GPR161: variants seen among roughly 807,000 people sequenced by gnomAD.
GPR161 encodes the protein G protein-coupled receptor 161, also known as G-protein coupled receptor RE2.
A neutral mutation model predicts 39.2 loss-of-function variants in GPR161; 25 were observed. The ratio of observed to expected loss-of-function variants is 0.64; its 90% CI spans 0.47 to 0.89. GPR161 has a LOEUF of 0.89. GPR161 is among the 40% of genes least tolerant of loss of function. The pLI is 0.00. For synonymous variants in GPR161, 286 were observed against 276.6 expected, an observed-to-expected ratio of 1.03 and a Z score of -0.34; for missense variants, 547 against 677.8, an observed-to-expected ratio of 0.81 and a Z score of 2.14.
chr1:168,119,271 T>TACAC (rs1491147903), intron 1 of GPR161, among the ~76,000 whole-genome samples: 1 of 106,392 alleles, frequency 9.4e-6, no homozygotes, highest in East Asian at 2.9e-4. Context: ...TATATATGTG[T>TACAC]ATATATATAT....
chr1:168,123,458 A>G (rs1463110044), intron 1 of GPR161, among the ~76,000 whole-genome samples: 6 of 152,028 alleles, frequency 3.9e-5, no homozygotes, highest in Non-Finnish European at 4.4e-5. Flanking sequence ...ACCCTGTCTC[A>G]AAAAATTATA....
Position 168,096,938 on chromosome 1 carries a change from G to A in GPR161, c.669C>T (p.His223=). The A allele has an allele frequency of 1.2e-6, 2 of 1,614,162 alleles. No homozygotes were observed. The highest frequency in any genetic ancestry group is 1.7e-6 in the Non-Finnish European group (2 of 1,180,024). ...RVARVKARKV[H]CGTVVIVEED... Reference sequence around the variant, plus strand: ...CCTCCACGATGACGACTGTGCCACAGTGCACCTTGCGTGCCTTGACCCTGG... The same window carrying A: ...CCTCCACGATGACGACTGTGCCACAATGCACCTTGCGTGCCTTGACCCTGG... The change falls in exon 3 of 6, where the codon CAC becomes CAT. Residue 223 remains histidine (H), a synonymous_variant. Coordinates refer to ENST00000682931, the MANE Select transcript of GPR161 (RefSeq NM_001375883.1).
At chr1:168,121,484 T>G (rs1698156369) in intron 1 of GPR161, among the ~76,000 whole-genome samples, 1 of 152,114 alleles carries the variant, frequency 6.6e-6, no homozygotes, top group Non-Finnish European at 1.5e-5. Flanking sequence ...AAAAGCTGTC[T>G]TCACCCCTTC....
intron 2 of GPR161, among the ~76,000 whole-genome samples, chr1:168,099,839 G>T (rs867990138): frequency 8.2e-5 from 11 of 133,876 alleles, no homozygotes; most frequent in African/African-American, 9.6e-5. Flanking sequence ...TTTTTTTTGG[G>T]GGGGGGGGGT....
intron 1 of GPR161, among the ~76,000 whole-genome samples, chr1:168,112,434 C>T (rs1480516779): frequency 7.7e-6 from 1 of 130,482 alleles, no homozygotes; most frequent in Non-Finnish European, 1.5e-5. Flanking sequence ...GAGCCGAGAT[C>T]GCGCCACTAC....
At chr1:168,106,971 C>T (rs1696676025) in intron 1 of GPR161, among the ~76,000 whole-genome samples, 2 of 152,046 alleles carry the variant, frequency 1.3e-5, no homozygotes, top group African/African-American at 2.4e-5. Context: ...TATTAATTAA[C>T]GTCTCAAAGT....
chr1:168,131,234 C>G lies in GPR161; in HGVS notation c.-45+5505G>C, dbSNP rs530738321. Among the ~76,000 whole-genome samples, 8 of 152,022 alleles carry G rather than the reference C, an allele frequency of 5.3e-5. No individual in the cohort carries two copies. The South Asian group carries it at 1.7e-3, about 32-fold the overall frequency. ...CTCACCCCCACCCTTACCCCCCACA[C>G]CAATCTCTCCTCCCAACTATTGCCA... On this transcript the variant is annotated intron_variant, in intron 1 of 5. Coordinates refer to ENST00000682931, the MANE Select transcript of GPR161 (RefSeq NM_001375883.1).
chr1:168,130,617 T>G (rs1368175766), intron 1 of GPR161, among the ~76,000 whole-genome samples: 1 of 152,174 alleles, frequency 6.6e-6, no homozygotes, highest in Non-Finnish European at 1.5e-5. Context: ...AAAGAAAGAC[T>G]CCTATCTGAT....
At chr1:168,095,040 T>C (rs542925617) in intron 3 of GPR161, among the ~76,000 whole-genome samples, 1 of 152,334 alleles carries the variant, frequency 6.6e-6, no homozygotes, top group South Asian at 2.1e-4. Context: ...ATAAGGCATA[T>C]TGGCATATGT....
intron 1 of GPR161, among the ~76,000 whole-genome samples, chr1:168,115,921 G>A (rs962407061): frequency 2.6e-5 from 4 of 152,054 alleles, no homozygotes; most frequent in South Asian, 2.1e-4. Flanking sequence ...GACTACAGGC[G>A]CCCGCCACCA....
intron 1 of GPR161, among the ~76,000 whole-genome samples, chr1:168,130,002 A>AT (rs1482060253): frequency 6.6e-6 from 1 of 151,954 alleles, no homozygotes; most frequent in Non-Finnish European, 1.5e-5. Flanking sequence ...GACTCCTTTC[A>AT]TTTTTTTGAG....
At chr1:168,090,181 C>G (rs1694915612) in intron 4 of GPR161, among the ~76,000 whole-genome samples, 1 of 152,212 alleles carries the variant, frequency 6.6e-6, no homozygotes, top group Admixed American at 6.5e-5. Context: ...TGAGATAACA[C>G]AGCTCTTAAA....
At chr1:168,092,880 A>G (rs1437186103) in intron 3 of GPR161, among the ~76,000 whole-genome samples, 1 of 152,158 alleles carries the variant, frequency 6.6e-6, no homozygotes, top group Non-Finnish European at 1.5e-5. Context: ...GAAAGGCTCT[A>G]TGCCCAGGAG....
At chr1:168,088,240 T>G (rs549994770) in intron 4 of GPR161, 1 of 153,268 alleles carries the variant, frequency 6.5e-6, no homozygotes, top group African/African-American at 2.4e-5. Context: ...GAAGTCCTAC[T>G]AGAGATAGGT....
At chr1:168,132,971 C>T (rs1699114279) in intron 1 of GPR161, among the ~76,000 whole-genome samples, 1 of 152,190 alleles carries the variant, frequency 6.6e-6, no homozygotes, top group African/African-American at 2.4e-5. Flanking sequence ...TCTCGAACTC[C>T]TGACCTCAGA....
At chr1:168,135,561 C>T (rs1267306500) in intron 1 of GPR161, among the ~76,000 whole-genome samples, 1 of 152,222 alleles carries the variant, frequency 6.6e-6, no homozygotes, top group Non-Finnish European at 1.5e-5. Flanking sequence ...CCTCTCTTCA[C>T]TTGCTCCCAG....
At chr1:168,104,107 G>C (rs1462431296) in intron 2 of GPR161, among the ~76,000 whole-genome samples, 1 of 152,166 alleles carries the variant, frequency 6.6e-6, no homozygotes, top group Admixed American at 6.5e-5. Context: ...ACCAAAGCAA[G>C]ACAGAGCAGG....
chr1:168,133,752 T>A (rs79211340), intron 1 of GPR161: 11,181 of 172,848 alleles, frequency 0.065, 499 homozygotes, highest in Middle Eastern at 0.1. Flanking sequence ...TGCGCCACCA[T>A]GCCCAGCTTC....
chr1:168,123,370 A>G (rs1206941615), intron 1 of GPR161, among the ~76,000 whole-genome samples: 1 of 152,172 alleles, frequency 6.6e-6, no homozygotes, highest in African/African-American at 2.4e-5. Context: ...AGGGAAGAGG[A>G]TGGCTTGAGC....
Sources: allele counts gnomAD v4.1 joint callset (sites outside exome capture counted in the v4.1 genomes callset), GRCh38; gene constraint gnomAD v4.1.1; transcripts MANE v1.5; gene names NCBI Gene and HGNC (gene_info 2026-07-23, HGNC 2026-07-21).